The following SLC24A3 variants were observed in gnomAD, a reference collection of about 807,000 sequenced individuals.
The protein encoded by SLC24A3 is sodium/potassium/calcium exchanger 3.
In SLC24A3, 28 loss-of-function variants were observed where a neutral mutation model predicts 75.8. The ratio of observed to expected loss-of-function variants is 0.37; its 90% CI spans 0.27 to 0.51. SLC24A3 has a LOEUF of 0.51. Among genes scored for constraint, SLC24A3 ranks in the 20% least tolerant of loss-of-function variants. The pLI, the probability that SLC24A3 is intolerant of heterozygous loss-of-function variation, is 0.94. For synonymous variants in SLC24A3, 372 were observed against 334.1 expected, an observed-to-expected ratio of 1.11 and a Z score of -1.24; for missense variants, 663 against 847.8, an observed-to-expected ratio of 0.78 and a Z score of 2.71.
intron 8 of SLC24A3, among the ~76,000 whole-genome samples, chr20:19,668,510 G>A (rs2032427291): frequency 6.6e-6 from 1 of 152,130 alleles, no homozygotes; most frequent in African/African-American, 2.4e-5. Context: ...TTCAAGGCAG[G>A]TAACCAGTTC....
chr20:19,326,239 G>T (rs1435440683), intron 2 of SLC24A3, among the ~76,000 whole-genome samples: 1 of 152,050 alleles, frequency 6.6e-6, no homozygotes, highest in Non-Finnish European at 1.5e-5. Flanking sequence ...CAGGACAAGG[G>T]AGCCAAGAGC....
intron 2 of SLC24A3, among the ~76,000 whole-genome samples, chr20:19,468,853 A>G (rs921675032): frequency 6.6e-6 from 1 of 152,176 alleles, no homozygotes; most frequent in Admixed American, 6.5e-5. Flanking sequence ...TGTATTTGAA[A>G]AGAAGAAACT....
chr20:19,340,583 T>C (rs1985250229), intron 2 of SLC24A3, among the ~76,000 whole-genome samples: 1 of 152,068 alleles, frequency 6.6e-6, no homozygotes, highest in Admixed American at 6.5e-5. Flanking sequence ...GTTTCCACCA[T>C]CCCCACAGCC....
At chr20:19,528,862 G>A (rs915928894) in intron 3 of SLC24A3, among the ~76,000 whole-genome samples, 1 of 152,188 alleles carries the variant, frequency 6.6e-6, no homozygotes, top group Admixed American at 6.5e-5. Flanking sequence ...CCAGCGGTTT[G>A]ACTGATTGTG....
chr20:19,400,319 TCTTA>T (rs1414538302), intron 2 of SLC24A3, among the ~76,000 whole-genome samples: 1 of 152,156 alleles, frequency 6.6e-6, no homozygotes, highest in Non-Finnish European at 1.5e-5. Context: ...TTCTTTTGGA[TCTTA>T]CTTTTTTGAC....
Position 19,525,707 on chromosome 20 carries a change from G to C in SLC24A3, c.348+10143G>C, listed in dbSNP as rs905220887. On this transcript the variant is annotated intron_variant, in intron 3 of 16. Coordinates refer to ENST00000328041, the MANE Select transcript of SLC24A3 (RefSeq NM_020689.4). ...TACTCAGGAGAGTGGCCGAGGACGAGGACGGGCACCAACGGTGCCTGTGAC... is the reference window on the plus strand; with the variant it reads ...TACTCAGGAGAGTGGCCGAGGACGACGACGGGCACCAACGGTGCCTGTGAC... 5.3e-5 allele frequency among the ~76,000 whole-genome samples: 8 copies of C among 152,282 alleles called. No individual in the cohort carries two copies. The East Asian group carries it at 9.7e-4, about 18-fold the overall frequency.
At chr20:19,445,063 ACT>A (rs1568619878) in intron 2 of SLC24A3, among the ~76,000 whole-genome samples, 2 of 152,116 alleles carry the variant, frequency 1.3e-5, no homozygotes, top group Non-Finnish European at 2.9e-5. Flanking sequence ...AAGATAACAC[ACT>A]CTGTATAACC....
intron 2 of SLC24A3, among the ~76,000 whole-genome samples, chr20:19,366,316 C>G (rs1236366892): frequency 1.3e-5 from 2 of 152,160 alleles, no homozygotes; most frequent in Admixed American, 6.5e-5. Context: ...TAAAAGTTAT[C>G]CCAGCCTTCT....
intron 2 of SLC24A3, among the ~76,000 whole-genome samples, chr20:19,429,747 C>G (rs1419682426): frequency 6.6e-6 from 1 of 152,170 alleles, no homozygotes; most frequent in African/African-American, 2.4e-5. Flanking sequence ...AATCTGTGCT[C>G]CTAGGGTAGC....
chr20:19,254,348 G>A (rs956928493), intron 1 of SLC24A3, among the ~76,000 whole-genome samples: 1 of 152,126 alleles, frequency 6.6e-6, no homozygotes, highest in Non-Finnish European at 1.5e-5. Flanking sequence ...TCATCTGTGG[G>A]GACGCGGCCT....
chr20:19,641,518 C>T (rs1475620731), intron 6 of SLC24A3, among the ~76,000 whole-genome samples: 4 of 152,142 alleles, frequency 2.6e-5, no homozygotes, highest in Admixed American at 6.5e-5. Context: ...GTACAAAATG[C>T]GCTGTGACTT....
chr20:19,516,227 A>C (rs2029985053), intron 3 of SLC24A3, among the ~76,000 whole-genome samples: 1 of 152,206 alleles, frequency 6.6e-6, no homozygotes, highest in African/African-American at 2.4e-5. Context: ...GTGGCTCTAA[A>C]GTCTGTGGTC....
At chr20:19,426,055 C>T (rs1002613529) in intron 2 of SLC24A3, among the ~76,000 whole-genome samples, 3 of 152,146 alleles carry the variant, frequency 2.0e-5, no homozygotes, top group South Asian at 2.1e-4. Flanking sequence ...TTATTGCTAC[C>T]GAAATATCGC....
rs555499893 is a variant in SLC24A3, at chr20:19,515,464, C to T, written c.272-24C>T. The T allele has an allele frequency of 8.9e-5, 144 of 1,612,806 alleles. 1 individual carries two copies. In the South Asian group the frequency reaches 1.1e-3, roughly 12 times the overall value. ...GAAAATGTGGTCACCTGTGCTGAGA[C>T]GGTTTTCTTTCTCTGTTCTTTAGCC... On this transcript the variant is annotated intron_variant, in intron 2 of 16. Transcript: ENST00000328041.
At chr20:19,530,347 C>T (rs901207146) in intron 3 of SLC24A3, among the ~76,000 whole-genome samples, 1 of 152,162 alleles carries the variant, frequency 6.6e-6, no homozygotes, top group Non-Finnish European at 1.5e-5. Flanking sequence ...CAACTGAGTG[C>T]CGAGGGCCTC....
intron 3 of SLC24A3, among the ~76,000 whole-genome samples, chr20:19,523,253 G>T (rs772919968): frequency 2.6e-4 from 40 of 152,216 alleles, no homozygotes; most frequent in Non-Finnish European, 4.3e-4. Context: ...GAGGGGACCT[G>T]CATGATCTGG....
chr20:19,674,060 C>T (rs906732125), intron 9 of SLC24A3, among the ~76,000 whole-genome samples: 5 of 152,174 alleles, frequency 3.3e-5, no homozygotes, highest in Admixed American at 6.5e-5. Flanking sequence ...GCCAGCCATC[C>T]GGTGGTCTGT....
intron 6 of SLC24A3, among the ~76,000 whole-genome samples, chr20:19,619,629 C>A (rs1376029635): frequency 6.6e-6 from 1 of 152,178 alleles, no homozygotes; most frequent in Non-Finnish European, 1.5e-5. Flanking sequence ...TCAGACAAGG[C>A]AATGTGGGTG....
intron 1 of SLC24A3, among the ~76,000 whole-genome samples, chr20:19,268,538 G>C (rs762588214): frequency 7.2e-5 from 11 of 152,168 alleles, no homozygotes; most frequent in Admixed American, 1.3e-4. Flanking sequence ...TCCAGATGTG[G>C]TAATCGGGCT....
Sources: gnomAD v4.1 joint callset for allele counts (sites outside exome capture counted in the v4.1 genomes callset) on GRCh38, gnomAD v4.1.1 for gene constraint, MANE v1.5 for transcripts, NCBI Gene and HGNC (gene_info 2026-07-23, HGNC 2026-07-21) for gene names.